RGS6: variants seen among roughly 807,000 people sequenced by gnomAD.
RGS6 encodes regulator of G protein signaling 6, also known as regulator of G-protein signaling 6.
Under a neutral mutation model 78.5 loss-of-function variants are expected in RGS6, and 30 were observed. The observed-to-expected ratio is 0.38, with a 90% CI of 0.29 to 0.52. RGS6 has a LOEUF of 0.52. Ranked by LOEUF, RGS6 falls within the 20% of genes least tolerant of loss-of-function variation. The probability of loss-of-function intolerance (pLI) is 0.85; values close to 1 mark genes in which losing one functional copy is unlikely to be tolerated. For synonymous variants in RGS6, 206 were observed against 206.0 expected (o/e 1.00, Z 0.00); for missense variants, 495 against 609.7 (o/e 0.81, Z 1.98).
intron 2 of RGS6, among the ~76,000 whole-genome samples, chr14:72,259,026 C>T (rs548255450): frequency 1.6e-4 from 24 of 152,122 alleles, no homozygotes; most frequent in Admixed American, 6.5e-4. Context: ...ATTCCTTTTC[C>T]TAGTAACTTA....
intron 3 of RGS6, among the ~76,000 whole-genome samples, chr14:72,358,158 G>T (rs1376623258): frequency 6.6e-6 from 1 of 152,190 alleles, no homozygotes; most frequent in South Asian, 2.1e-4. Flanking sequence ...TGATTTCAAA[G>T]GATATATAGA....
chr14:71,992,417 G>A (rs1194650042), intron 2 of RGS6, among the ~76,000 whole-genome samples: 1 of 152,070 alleles, frequency 6.6e-6, no homozygotes, highest in African/African-American at 2.4e-5. Flanking sequence ...AGCTAATGTT[G>A]TTTGAGGCCT....
the RGS6 span, among the ~76,000 whole-genome samples, chr14:72,605,185 T>C: frequency 1.3e-5 from 2 of 152,142 alleles, no homozygotes; most frequent in African/African-American, 2.4e-5. Context: ...CGTTTCTCTC[T>C]GGGTAAAGGG....
rs78105925 is a variant in RGS6, at chr14:72,131,474, A to G, written c.84+166599A>G. ...TCTGATAAGCTGCCAATGACAGCCT[A>G]TGATATGAAATTCTGTATGTCCCTT... On this transcript the variant is annotated intron_variant, in intron 2 of 17. Transcript: ENST00000553525. Among the ~76,000 whole-genome samples, 552 of 152,350 alleles carry G rather than the reference A, an allele frequency of 3.6e-3. 25 individuals are homozygous for G. The East Asian group carries it at 0.095, about 26-fold the overall frequency.
At position 72,526,107 on chromosome 14, in the gene RGS6, C is replaced by CT. The variant is rs368041148; in HGVS notation, c.1278+7584dup. ...AGGAGGAAATGAAAATACTTTTCTT[C>CT]TTTTTTTTTTTTTTGAGAAGGAATC... On this transcript the variant is annotated intron_variant, in intron 15 of 17. Transcript: ENST00000553525. Among the ~76,000 whole-genome samples the CT allele has an allele frequency of 2.9e-3, 418 of 143,274 alleles. 1 individual carries two copies. The highest frequency in any genetic ancestry group is 5.8e-3 in the East Asian group (29 of 4,976). 94.0% of individuals were successfully genotyped at this position (143,274 alleles called of 152,430 possible). A position where few individuals can be genotyped will look rare whatever the true frequency, so the allele number is the denominator to read the frequency against.
At chr14:71,873,540 T>C in the RGS6 span, among the ~76,000 whole-genome samples, 2 of 152,252 alleles carry the variant, frequency 1.3e-5, no homozygotes, top group Non-Finnish European at 1.5e-5. Flanking sequence ...TTCTGGATAT[T>C]AGCCCTTTGT....
chr14:72,159,968 A>G (rs911957855), intron 2 of RGS6, among the ~76,000 whole-genome samples: 7 of 152,234 alleles, frequency 4.6e-5, no homozygotes, highest in African/African-American at 1.7e-4. Context: ...AAGGTACTTT[A>G]CAAAATTATT....
At chr14:72,541,515 G>A in intron 17 of RGS6, 1 of 1,535,692 alleles carries the variant, frequency 6.5e-7, no homozygotes. Flanking sequence ...TATCTTCATG[G>A]CTGCTTTGCC....
chr14:72,490,901 G>C (rs1216083469), intron 12 of RGS6, among the ~76,000 whole-genome samples: 1 of 152,298 alleles, frequency 6.6e-6, no homozygotes, highest in East Asian at 1.9e-4. Context: ...ATGTGCATAT[G>C]AATCACCTGG....
chr14:72,265,601 C>T (rs576299251), intron 2 of RGS6, among the ~76,000 whole-genome samples: 30 of 152,280 alleles, frequency 2.0e-4, no homozygotes, highest in African/African-American at 6.5e-4. Context: ...CACCACCTGC[C>T]GCTAACTACT....
chr14:72,197,144 C>G (rs2040362800), intron 2 of RGS6, among the ~76,000 whole-genome samples: 1 of 152,220 alleles, frequency 6.6e-6, no homozygotes, highest in Non-Finnish European at 1.5e-5. Context: ...TGGCTCACTT[C>G]TACCTCTGTC....
chr14:72,430,685 G>GT (rs1244681523), intron 3 of RGS6, among the ~76,000 whole-genome samples: 4 of 152,090 alleles, frequency 2.6e-5, no homozygotes, highest in African/African-American at 7.2e-5. Flanking sequence ...TGGTTTTGGG[G>GT]TTTTTTTCTG....
chr14:71,947,145 A>C (rs572484570), intron 1 of RGS6, among the ~76,000 whole-genome samples: 1 of 152,306 alleles, frequency 6.6e-6, no homozygotes, highest in South Asian at 2.1e-4. Flanking sequence ...CCTCCATGCC[A>C]GGCTCACTAT....
intron 3 of RGS6, among the ~76,000 whole-genome samples, chr14:72,446,743 T>TG (rs1041304256): frequency 1.3e-5 from 2 of 152,130 alleles, no homozygotes; most frequent in African/African-American, 2.4e-5. Flanking sequence ...CAGTCGCACC[T>TG]GGGGGGTGAT....
At chr14:71,948,413 G>A (rs867537397) in intron 1 of RGS6, among the ~76,000 whole-genome samples, 1 of 152,162 alleles carries the variant, frequency 6.6e-6, no homozygotes, top group South Asian at 2.1e-4. Flanking sequence ...CTGCCATGAT[G>A]TCATTTTTTG....
chr14:72,295,946 T>G (rs565575756), intron 2 of RGS6, among the ~76,000 whole-genome samples: 4 of 152,336 alleles, frequency 2.6e-5, no homozygotes, highest in African/African-American at 7.2e-5. Context: ...TTGACTATAC[T>G]TACGTAACCC....
chr14:72,259,261 G>C lies in RGS6; in HGVS notation c.85-92834G>C, dbSNP rs141398842. Among the ~76,000 whole-genome samples, 336 of 152,272 alleles carry C rather than the reference G, an allele frequency of 2.2e-3. 2 individuals are homozygous for C. Among genetic ancestry groups the C allele is most frequent in the African/African-American group, 7.6e-3 (316 of 41,542 alleles). On this transcript the variant is annotated intron_variant, in intron 2 of 17. Coordinates refer to ENST00000553525, the MANE Select transcript of RGS6 (RefSeq NM_001204424.2). ...ATTTTTAAGTTTTCTTTCAAAATCA[G>C]ATGATCAGTTAATATTGTAACTATA...
At chr14:72,086,948 C>T (rs1021107194) in intron 2 of RGS6, among the ~76,000 whole-genome samples, 7 of 152,168 alleles carry the variant, frequency 4.6e-5, no homozygotes, top group Admixed American at 1.3e-4. Context: ...ATCCCCCAAA[C>T]AGTCAATTGT....
the RGS6 span, among the ~76,000 whole-genome samples, chr14:72,576,347 A>T: frequency 6.6e-6 from 1 of 152,206 alleles, no homozygotes; most frequent in Non-Finnish European, 1.5e-5. Flanking sequence ...AAGTACATAC[A>T]GAGTCTTCAT....
Sources: gnomAD v4.1 joint callset for allele counts (sites outside exome capture counted in the v4.1 genomes callset) on GRCh38, gnomAD v4.1.1 for gene constraint, MANE v1.5 for transcripts, NCBI Gene and HGNC (gene_info 2026-07-23, HGNC 2026-07-21) for gene names.